ZBTB7C: variants seen among roughly 807,000 people sequenced by gnomAD.
The protein encoded by ZBTB7C is zinc finger and BTB domain containing 7C.
ZBTB7C carries 8 observed loss-of-function variants against 25.7 expected under a neutral mutation model. The observed-to-expected ratio is 0.31, with a 90% confidence interval of 0.18 to 0.56. ZBTB7C has a LOEUF of 0.56. Among genes scored for constraint, ZBTB7C ranks in the 20% least tolerant of loss-of-function variants. The probability of loss-of-function intolerance (pLI) is 0.91; values close to 1 mark genes in which losing one functional copy is unlikely to be tolerated. For synonymous variants in ZBTB7C, 394 were observed against 369.0 expected, an observed-to-expected ratio of 1.07 and a Z score of -0.78; for missense variants, 824 against 855.2, an observed-to-expected ratio of 0.96 and a Z score of 0.46.
chr18:48,198,892 G>T (rs1944574), intron 2 of ZBTB7C, among the ~76,000 whole-genome samples: 18,442 of 152,214 alleles, frequency 0.12, 1,515 homozygotes, highest in Non-Finnish European at 0.18. Context: ...GGTTTCAGTG[G>T]CATGAATGCT....
At chr18:48,108,963 G>A (rs2039134559) in intron 3 of ZBTB7C, among the ~76,000 whole-genome samples, 1 of 152,048 alleles carries the variant, frequency 6.6e-6, no homozygotes, top group Non-Finnish European at 1.5e-5. Flanking sequence ...GAGCACTTGG[G>A]GGTAAGGAAG....
chr18:48,270,307 G>T (rs1488394257), intron 2 of ZBTB7C, among the ~76,000 whole-genome samples: 1 of 140,726 alleles, frequency 7.1e-6, no homozygotes, highest in East Asian at 2.1e-4. Context: ...TGCCAGGCTG[G>T]AGTGCAGTGG....
In ZBTB7C at chr18:48,240,393, A is replaced by G. The variant is rs562585790; in HGVS notation, c.-78-54398T>C. On this transcript the variant is annotated intron_variant, in intron 2 of 4. Transcript: ENST00000590800. ...AAGATCATGACCTAGGCACATAGTC[A>G]TCAGGTTATCTAAAGTCAGGATGAA... Among the ~76,000 whole-genome samples, 16 of 152,354 alleles carry G rather than the reference A, an allele frequency of 1.1e-4. 1 individual carries two copies. In the South Asian group the frequency reaches 2.3e-3, roughly 22 times the overall value.
chr18:48,295,753 C>T (rs1445726092), intron 2 of ZBTB7C, among the ~76,000 whole-genome samples: 1 of 152,158 alleles, frequency 6.6e-6, no homozygotes, highest in Non-Finnish European at 1.5e-5. Context: ...GGTGGCAGGC[C>T]TGAGCCAACG....
intron 2 of ZBTB7C, among the ~76,000 whole-genome samples, chr18:48,277,638 C>A (rs1040644692): frequency 6.6e-6 from 1 of 152,226 alleles, no homozygotes; most frequent in Non-Finnish European, 1.5e-5. Flanking sequence ...TGAAGGGCAA[C>A]CCCGGCTGGT....
At chr18:48,187,678 G>A (rs1172875012) in intron 2 of ZBTB7C, among the ~76,000 whole-genome samples, 3 of 151,936 alleles carry the variant, frequency 2.0e-5, no homozygotes, top group African/African-American at 4.8e-5. Context: ...AACTTTAGTC[G>A]GGTGTGGGGG....
chr18:48,277,621 T>A (rs978205352), intron 2 of ZBTB7C, among the ~76,000 whole-genome samples: 1 of 152,344 alleles, frequency 6.6e-6, no homozygotes, highest in Admixed American at 6.5e-5. Flanking sequence ...ATTTTATGGC[T>A]GCATCATGAA....
intron 3 of ZBTB7C, among the ~76,000 whole-genome samples, chr18:48,182,666 G>A (rs1458396481): frequency 1.3e-5 from 2 of 152,150 alleles, no homozygotes; most frequent in Non-Finnish European, 2.9e-5. Flanking sequence ...TTCCATCTTG[G>A]ACCAGATCCT....
chr18:48,086,592 C>T (rs2144520123), intron 3 of ZBTB7C, among the ~76,000 whole-genome samples: 1 of 152,322 alleles, frequency 6.6e-6, no homozygotes, highest in African/African-American at 2.4e-5. Context: ...ATGGAACCCA[C>T]ACTTCAGGGT....
At chr18:48,162,088 A>AC (rs1193141900) in intron 3 of ZBTB7C, among the ~76,000 whole-genome samples, 2 of 137,604 alleles carry the variant, frequency 1.5e-5, no homozygotes, top group African/African-American at 2.5e-5. Flanking sequence ...GCAGAGCCAG[A>AC]CCCCCCGCCG....
chr18:48,113,173 G>A (rs1353940065), intron 3 of ZBTB7C, among the ~76,000 whole-genome samples: 1 of 152,158 alleles, frequency 6.6e-6, no homozygotes, highest in South Asian at 2.1e-4. Flanking sequence ...AGGACAAAGG[G>A]GTAAGTCCCT....
chr18:48,032,422 G>GTTTTTTTTT lies in ZBTB7C; in HGVS notation c.1209-2520_1209-2512dup, dbSNP rs71165309. On this transcript the variant is annotated intron_variant, in intron 4 of 4. Transcript: ENST00000590800. Reference sequence around the variant, plus strand: ...GAGCCACTGTGCCCGGACAAGGTAGGTTTTTTTTTTTTTTTTTTTTTTTTT... The same window carrying GTTTTTTTTT: ...GAGCCACTGTGCCCGGACAAGGTAGGTTTTTTTTTTTTTTTTTTTTTTTTTTTTTTTTTT... Among the ~76,000 whole-genome samples, 16 of 65,096 alleles carry GTTTTTTTTT rather than the reference G, an allele frequency of 2.5e-4. 1 individual carries two copies. The highest frequency in any genetic ancestry group is 1.0e-3 in the African/African-American group (16 of 15,768). The allele number at this position is 65,096 out of a possible 152,430, so 42.7% of individuals were successfully genotyped here. A position where few individuals can be genotyped will look rare whatever the true frequency, so the allele number is the denominator to read the frequency against.
chr18:48,174,794 T>G (rs2041616177), intron 3 of ZBTB7C, among the ~76,000 whole-genome samples: 1 of 152,232 alleles, frequency 6.6e-6, no homozygotes, highest in South Asian at 2.1e-4. Flanking sequence ...TACATCTAAA[T>G]CTGTATTTAC....
At chr18:48,330,562 T>TATG (rs773837031) in intron 2 of ZBTB7C, among the ~76,000 whole-genome samples, 17 of 151,750 alleles carry the variant, frequency 1.1e-4, no homozygotes, top group African/African-American at 4.1e-4. Flanking sequence ...TAAAAAGTGA[T>TATG]ATGATGATGA....
chr18:48,094,869 T>C (rs2038556252), intron 3 of ZBTB7C, among the ~76,000 whole-genome samples: 1 of 152,186 alleles, frequency 6.6e-6, no homozygotes, highest in South Asian at 2.1e-4. Flanking sequence ...GCTGAATGGT[T>C]CTACCTGGAT....
Position 48,269,127 on chromosome 18 carries a change from A to T in ZBTB7C, c.-79+69047T>A, listed in dbSNP as rs538344898. 6.6e-5 allele frequency among the ~76,000 whole-genome samples: 10 copies of T among 152,028 alleles called. No individual in the cohort carries two copies. In the East Asian group the frequency reaches 1.7e-3, roughly 26 times the overall value. On this transcript the variant is annotated intron_variant, in intron 2 of 4. Transcript: ENST00000590800. ...AGGCACATGCCACCACACCCAGCTA[A>T]CTTTTTTTGTATTTTTAGTATCGGC...
intron 3 of ZBTB7C, among the ~76,000 whole-genome samples, chr18:48,097,382 G>A (rs951465819): frequency 2.8e-4 from 40 of 144,974 alleles, no homozygotes; most frequent in African/African-American, 7.1e-4. Flanking sequence ...TATTGTTGTT[G>A]TTATTATTAT....
At chr18:48,158,675 A>G (rs2040910472) in intron 3 of ZBTB7C, among the ~76,000 whole-genome samples, 1 of 152,018 alleles carries the variant, frequency 6.6e-6, no homozygotes, top group African/African-American at 2.4e-5. Context: ...CTCCGTTTTT[A>G]TTATTGATTT....
At position 48,115,518 on chromosome 18, in the gene ZBTB7C, G is replaced by T. The variant is rs151063659; in HGVS notation, c.-17+70416C>A. On this transcript the variant is annotated intron_variant, in intron 3 of 4. Transcript: ENST00000590800. ...CTCCCAAAGTGCTGGGATTACAGGC[G>T]TGAGCCACCGTGCCCGGCCTTATGA... Among the ~76,000 whole-genome samples, 667 of 152,260 alleles carry T rather than the reference G, an allele frequency of 4.4e-3. 3 individuals carry two copies. The highest frequency in any genetic ancestry group is 0.015 in the African/African-American group (632 of 41,534).
Sources: allele counts gnomAD v4.1 joint callset (sites outside exome capture counted in the v4.1 genomes callset), GRCh38; gene constraint gnomAD v4.1.1; transcripts MANE v1.5; gene names NCBI Gene and HGNC (gene_info 2026-07-23, HGNC 2026-07-21).